SPAG16: variants seen among roughly 807,000 people sequenced by gnomAD.
SPAG16 encodes the protein sperm-associated antigen 16 protein.
A neutral mutation model predicts 80.4 loss-of-function variants in SPAG16; 86 were observed. The observed-to-expected ratio is 1.07, with a 90% CI of 0.90 to 1.28. The LOEUF (loss-of-function observed/expected upper bound fraction) is 1.28, where lower values mean the gene tolerates loss of function less well. Among genes scored for constraint, SPAG16 ranks in the 50% most tolerant of loss-of-function variants. SPAG16 has a pLI of 0.00. For missense variants in SPAG16, 870 were observed against 765.3 expected, an observed-to-expected ratio of 1.14 and a Z score of -1.61; for synonymous variants, 294 against 265.9, an observed-to-expected ratio of 1.11 and a Z score of -1.03.
intron 9 of SPAG16, among the ~76,000 whole-genome samples, chr2:213,400,989 T>A (rs2068280136): frequency 6.6e-6 from 1 of 152,048 alleles, no homozygotes; most frequent in Non-Finnish European, 1.5e-5. Context: ...TATATTTTTT[T>A]GTCAAGATAG....
At chr2:214,113,968 C>T (rs2053805308) in intron 14 of SPAG16, among the ~76,000 whole-genome samples, 1 of 152,174 alleles carries the variant, frequency 6.6e-6, no homozygotes, top group South Asian at 2.1e-4. Context: ...GTTTTATCTA[C>T]CTTTGGACTT....
chr2:213,968,172 T>G (rs924605542), intron 12 of SPAG16, among the ~76,000 whole-genome samples: 1 of 151,388 alleles, frequency 6.6e-6, no homozygotes, highest in African/African-American at 2.4e-5. Context: ...TCTTCTCATC[T>G]CTTTTCTTTT....
At chr2:213,810,033 G>A (rs903219763) in intron 10 of SPAG16, among the ~76,000 whole-genome samples, 1 of 152,112 alleles carries the variant, frequency 6.6e-6, no homozygotes, top group Non-Finnish European at 1.5e-5. Context: ...GGGGCTGACA[G>A]GTCAAGAGGA....
intron 9 of SPAG16, among the ~76,000 whole-genome samples, chr2:213,376,593 T>A (rs1272284315): frequency 1.3e-5 from 2 of 152,100 alleles, no homozygotes; most frequent in East Asian, 3.8e-4. Context: ...GACTGAGTTC[T>A]GTTTCTATTT....
chr2:213,716,338 G>A (rs12475452), intron 10 of SPAG16, among the ~76,000 whole-genome samples: 3 of 151,910 alleles, frequency 2.0e-5, no homozygotes, highest in Non-Finnish European at 2.9e-5. Context: ...ACAAAATGAT[G>A]TGAGAGTATC....
At chr2:213,551,094 C>A (rs1315591084) in intron 10 of SPAG16, among the ~76,000 whole-genome samples, 1 of 152,032 alleles carries the variant, frequency 6.6e-6, no homozygotes, top group Non-Finnish European at 1.5e-5. Flanking sequence ...TTTTATTTTT[C>A]TTTGCTTATT....
At chr2:214,136,107 T>A (rs1442291233) in intron 14 of SPAG16, among the ~76,000 whole-genome samples, 2 of 151,954 alleles carry the variant, frequency 1.3e-5, no homozygotes, top group African/African-American at 4.8e-5. Flanking sequence ...CAGGCTGGTT[T>A]TAACAAGCAG....
At chr2:213,408,575 CAG>C (rs61383927) in intron 9 of SPAG16, among the ~76,000 whole-genome samples, 15,160 of 152,174 alleles carry the variant, frequency 0.1, 2,499 homozygotes, top group African/African-American at 0.34. Context: ...GGTTTCCTAA[CAG>C]GGGATTTAAA....
chr2:214,314,815 A>G (rs1576757331), intron 15 of SPAG16, among the ~76,000 whole-genome samples: 1 of 152,204 alleles, frequency 6.6e-6, no homozygotes, highest in Non-Finnish European at 1.5e-5. Flanking sequence ...GAAAGGTACT[A>G]TAATGAAAGC....
chr2:213,316,303 A>C (rs1401778324), intron 4 of SPAG16, among the ~76,000 whole-genome samples: 2 of 151,916 alleles, frequency 1.3e-5, no homozygotes, highest in African/African-American at 4.8e-5. Context: ...TCCATCAGAG[A>C]GTCCTGCTGG....
At chr2:214,012,870 C>T (rs1185742459) in intron 12 of SPAG16, among the ~76,000 whole-genome samples, 2 of 152,118 alleles carry the variant, frequency 1.3e-5, no homozygotes, top group East Asian at 3.9e-4. Flanking sequence ...CAGTGGTTCT[C>T]AAACTTTAAC....
At chr2:213,357,775 A>T (rs2065745195) in intron 7 of SPAG16, among the ~76,000 whole-genome samples, 2 of 152,156 alleles carry the variant, frequency 1.3e-5, no homozygotes, top group Non-Finnish European at 2.9e-5. Flanking sequence ...TAATATTGTT[A>T]TGTGTGAATT....
chr2:213,416,590 T>C (rs2069270036), intron 9 of SPAG16, among the ~76,000 whole-genome samples: 1 of 152,188 alleles, frequency 6.6e-6, no homozygotes, highest in Non-Finnish European at 1.5e-5. Context: ...GTAAAATATT[T>C]ATATGATTCA....
At chr2:214,341,788 C>G (rs182767130) in intron 15 of SPAG16, among the ~76,000 whole-genome samples, 2 of 152,250 alleles carry the variant, frequency 1.3e-5, no homozygotes, top group Admixed American at 1.3e-4. Flanking sequence ...GAAATGTACT[C>G]CAGCAAAAGA....
intron 9 of SPAG16, among the ~76,000 whole-genome samples, chr2:213,417,408 T>A (rs2035694): frequency 0.22 from 33,129 of 152,232 alleles, 4,438 homozygotes; most frequent in Non-Finnish European, 0.31. Flanking sequence ...GGTGTCATAC[T>A]TCTAAGAAAT....
At chr2:214,106,895 T>C (rs2053411807) in intron 13 of SPAG16, among the ~76,000 whole-genome samples, 1 of 152,144 alleles carries the variant, frequency 6.6e-6, no homozygotes, top group Non-Finnish European at 1.5e-5. Flanking sequence ...TCTTCCTACC[T>C]GGAACACTTT....
At chr2:213,573,058 C>A (rs965513886) in intron 10 of SPAG16, among the ~76,000 whole-genome samples, 2 of 152,176 alleles carry the variant, frequency 1.3e-5, no homozygotes, top group South Asian at 4.1e-4. Context: ...TGACCCCTCG[C>A]GCTTCCCAGG....
At chr2:213,951,048 A>G (rs561878952) in intron 12 of SPAG16, among the ~76,000 whole-genome samples, 2 of 151,304 alleles carry the variant, frequency 1.3e-5, no homozygotes, top group South Asian at 4.2e-4. Context: ...TACATTTAGC[A>G]TAAATTGATT....
chr2:213,484,536 C>T (rs913055320), intron 9 of SPAG16, among the ~76,000 whole-genome samples: 7 of 152,106 alleles, frequency 4.6e-5, no homozygotes, highest in African/African-American at 1.7e-4. Context: ...CTAAGCAAAA[C>T]GTCTCCATTT....
Sources: gnomAD v4.1 joint callset for allele counts (sites outside exome capture counted in the v4.1 genomes callset) on GRCh38, gnomAD v4.1.1 for gene constraint, MANE v1.5 for transcripts, NCBI Gene and HGNC (gene_info 2026-07-23, HGNC 2026-07-21) for gene names.